The following RAB38 variants were observed in gnomAD, a reference collection of about 807,000 sequenced individuals.
The protein encoded by RAB38 is RAB38, member RAS oncogene family.
RAB38 carries 15 observed loss-of-function variants against 18.4 expected under a neutral mutation model. The observed-to-expected ratio is 0.82, with a 90% CI of 0.55 to 1.26. The LOEUF (loss-of-function observed/expected upper bound fraction) is 1.26, where lower values mean the gene tolerates loss of function less well. Ranked by LOEUF, RAB38 falls within the 50% of genes most tolerant of loss-of-function variation. RAB38 has a pLI of 0.00. For synonymous variants in RAB38, 101 were observed against 104.4 expected, an observed-to-expected ratio of 0.97 and a Z score of 0.20; for missense variants, 294 against 267.4, an observed-to-expected ratio of 1.10 and a Z score of -0.69.
the RAB38 span, among the ~76,000 whole-genome samples, chr11:87,961,921 A>G: frequency 6.6e-6 from 1 of 152,168 alleles, no homozygotes; most frequent in Non-Finnish European, 1.5e-5. Context: ...GACACTGAGG[A>G]TAAAAGAGGA....
the RAB38 span, among the ~76,000 whole-genome samples, chr11:87,905,690 C>T: frequency 6.6e-6 from 1 of 151,816 alleles, no homozygotes; most frequent in Non-Finnish European, 1.5e-5. Flanking sequence ...GCTTTGGAAT[C>T]TTCACTGAGT....
chr11:87,942,709 G>A, the RAB38 span, among the ~76,000 whole-genome samples: 2 of 152,140 alleles, frequency 1.3e-5, no homozygotes, highest in African/African-American at 4.8e-5. Flanking sequence ...TTTCAGACCT[G>A]GCTGAAAGTC....
At chr11:87,903,381 A>G in the RAB38 span, among the ~76,000 whole-genome samples, 1 of 151,458 alleles carries the variant, frequency 6.6e-6, no homozygotes, top group African/African-American at 2.4e-5. Context: ...TTTTTTAGTA[A>G]GAATCAAACT....
chr11:88,020,044 G>C, the RAB38 span, among the ~76,000 whole-genome samples: 1 of 152,150 alleles, frequency 6.6e-6, no homozygotes, highest in Non-Finnish European at 1.5e-5. Context: ...AGAGAGCAGA[G>C]GTAAATGAGT....
chr11:87,878,251 CATCT>C, the RAB38 span, among the ~76,000 whole-genome samples: 30,411 of 103,090 alleles, frequency 0.29, 4,843 homozygotes, highest in Non-Finnish European at 0.32. Flanking sequence ...ACACACCTAT[CATCT>C]ATCTATCTAT....
the RAB38 span, among the ~76,000 whole-genome samples, chr11:87,836,076 G>GA: frequency 6.6e-6 from 1 of 152,144 alleles, no homozygotes; most frequent in Non-Finnish European, 1.5e-5. Flanking sequence ...AAGCTTTCTA[G>GA]AATAATGCAA....
chr11:87,954,914 G>C, the RAB38 span, among the ~76,000 whole-genome samples: 1 of 152,074 alleles, frequency 6.6e-6, no homozygotes, highest in African/African-American at 2.4e-5. Context: ...AACCTGTAAA[G>C]GCAATATTCA....
In RAB38 at chr11:88,175,426, G is replaced by C; in HGVS notation, c.-42C>G. ...ACGTGCCGTGCCTGACCAGGGAAGC[G>C]CAGCCTGGGCTCTGCGCACGAGAGA... On this transcript the variant is annotated 5_prime_UTR_variant, in exon 1 of 3. Coordinates refer to ENST00000243662, the MANE Select transcript of RAB38 (RefSeq NM_022337.3). The C allele has an allele frequency of 6.3e-7, 1 of 1,595,664 alleles. No individual in the cohort carries two copies. The highest frequency in any genetic ancestry group is 8.6e-7 in the Non-Finnish European group (1 of 1,167,400).
chr11:88,089,459 C>T, the RAB38 span, among the ~76,000 whole-genome samples: 16 of 151,916 alleles, frequency 1.1e-4, no homozygotes, highest in African/African-American at 3.6e-4. Context: ...GAAGAGAGTG[C>T]CCTTCTAGGG....
chr11:87,850,613 C>T, the RAB38 span, among the ~76,000 whole-genome samples: 4 of 151,822 alleles, frequency 2.6e-5, no homozygotes, highest in African/African-American at 4.8e-5. Flanking sequence ...AATATATTTT[C>T]GGCACAATAT....
chr11:87,977,546 T>G, the RAB38 span, among the ~76,000 whole-genome samples: 2,878 of 113,890 alleles, frequency 0.025, 168 homozygotes, highest in South Asian at 0.06. Flanking sequence ...ATCATTATTA[T>G]ATAATATAAT....
At chr11:87,851,203 A>G in the RAB38 span, among the ~76,000 whole-genome samples, 3 of 152,116 alleles carry the variant, frequency 2.0e-5, no homozygotes, top group Admixed American at 2.0e-4. Flanking sequence ...TGTTACCCCA[A>G]AGGACATTTA....
the RAB38 span, among the ~76,000 whole-genome samples, chr11:88,058,513 C>A: frequency 6.6e-6 from 1 of 152,144 alleles, no homozygotes; most frequent in Non-Finnish European, 1.5e-5. Flanking sequence ...TATTTAGAAA[C>A]ATTCCTGAAG....
chr11:87,873,920 G>GTATATA, the RAB38 span, among the ~76,000 whole-genome samples: 39 of 33,826 alleles, frequency 1.2e-3, no homozygotes, highest in Non-Finnish European at 1.9e-3. Context: ...GTGTGTGTGT[G>GTATATA]TGTATATATA....
the RAB38 span, among the ~76,000 whole-genome samples, chr11:87,838,119 ATTTTTT>A: frequency 2.6e-4 from 38 of 144,774 alleles, no homozygotes; most frequent in Non-Finnish European, 3.2e-4. Context: ...TTTTATTTTT[ATTTTTT>A]TTTTTTTGAG....
At chr11:87,930,805 C>A in the RAB38 span, among the ~76,000 whole-genome samples, 3 of 151,866 alleles carry the variant, frequency 2.0e-5, no homozygotes, top group Admixed American at 2.0e-4. Flanking sequence ...TTTCCCAGCA[C>A]CATTTATTAA....
intron 1 of RAB38, among the ~76,000 whole-genome samples, chr11:88,170,360 T>C (rs539181520): frequency 5.8e-4 from 89 of 152,354 alleles, no homozygotes; most frequent in African/African-American, 2.1e-3. Flanking sequence ...AATTTAGCTC[T>C]TTCTACATTC....
At chr11:88,022,169 G>A in the RAB38 span, among the ~76,000 whole-genome samples, 108 of 152,172 alleles carry the variant, frequency 7.1e-4, no homozygotes, top group African/African-American at 2.5e-3. Context: ...TGGTATCCCA[G>A]GGATGTAAGG....
chr11:88,005,405 A>G, the RAB38 span, among the ~76,000 whole-genome samples: 2 of 132,228 alleles, frequency 1.5e-5, no homozygotes, highest in Admixed American at 7.7e-5. Context: ...CATTAAAAAA[A>G]ATATCCTACA....
Sources: gnomAD v4.1 joint callset for allele counts (sites outside exome capture counted in the v4.1 genomes callset) on GRCh38, gnomAD v4.1.1 for gene constraint, MANE v1.5 for transcripts, NCBI Gene and HGNC (gene_info 2026-07-23, HGNC 2026-07-21) for gene names.